Variants in KDM3B observed in about 807,000 individuals in gnomAD.
KDM3B encodes lysine-specific demethylase 3B.
KDM3B carries 10 observed loss-of-function variants against 170.0 expected under a neutral mutation model. That is an observed-to-expected ratio of 0.06 (90% confidence interval 0.04 to 0.10). The LOEUF (loss-of-function observed/expected upper bound fraction) is 0.10, where lower values mean the gene tolerates loss of function less well. Ranked by LOEUF, KDM3B falls within the 10% of genes least tolerant of loss-of-function variation. KDM3B has a pLI of 1.00. For missense variants in KDM3B, 1,394 were observed against 2,195.2 expected (o/e 0.64, Z 7.29); for synonymous variants, 831 against 834.8 (o/e 1.00, Z 0.08).
intron 6 of KDM3B, among the ~76,000 whole-genome samples, chr5:138,382,407 G>A (rs954083077): frequency 5.3e-5 from 8 of 151,996 alleles, no homozygotes. Flanking sequence ...AGCTGAGATC[G>A]CACCATTGCA....
intron 9 of KDM3B, 130 bp downstream of exon 9, chr5:138,393,502 G>T: frequency 1.4e-6 from 1 of 729,822 alleles, no homozygotes; most frequent in South Asian, 1.8e-5. Flanking sequence ...TGCTCTCAGC[G>T]TCTGTGAAGA....
intron 1 of KDM3B, among the ~76,000 whole-genome samples, chr5:138,365,034 A>G (rs1175126171): frequency 6.6e-6 from 1 of 152,232 alleles, no homozygotes; most frequent in African/African-American, 2.4e-5. Context: ...AGAGATATTC[A>G]ACTCATGCAT....
intron 9 of KDM3B, among the ~76,000 whole-genome samples, chr5:138,396,295 C>T (rs1054041169): frequency 6.6e-6 from 1 of 152,044 alleles, no homozygotes; most frequent in Non-Finnish European, 1.5e-5. Context: ...CAGGGTTTCA[C>T]CGTGTTAGCC....
intron 12 of KDM3B, 35 bp downstream of exon 12, chr5:138,415,274 A>G: frequency 1.4e-6 from 2 of 1,461,724 alleles, no homozygotes; most frequent in Non-Finnish European, 1.9e-6. Context: ...TGGTGGAAGA[A>G]ATGTTTTTAG....
At chr5:138,366,000 A>G (rs941875735) in intron 1 of KDM3B, among the ~76,000 whole-genome samples, 11 of 152,058 alleles carry the variant, frequency 7.2e-5, no homozygotes, top group Non-Finnish European at 1.5e-4. Context: ...TGTCTCAAAT[A>G]AATAAATAAA....
chr5:138,372,777 C>T lies in KDM3B; in HGVS notation c.296C>T (p.Ala99Val), dbSNP rs771099266. Residue 99 changes from alanine (A) to valine (V), a missense_variant, in exon 2 of 24, where the codon GCG (alanine) becomes GTG (valine). By Grantham distance (64) the Ala-to-Val change is moderately conservative. This residue lies in a region of KDM3B where 16 missense variants were observed against 48.6 expected (regional missense o/e 0.33). Coordinates refer to ENST00000314358, the MANE Select transcript of KDM3B (RefSeq NM_016604.4). ...CTGCTGGAAGGGTCTCTTGTATGGG[C>T]GCCCCGTGAGGACCCAGTCCTTCTC... is the stretch of plus-strand genomic sequence containing the variant. ...VLLLEGSLVW[A>V]PREDPVLLQG... The T allele has an allele frequency of 8.7e-6, 14 of 1,614,060 alleles. No homozygotes were observed. The highest frequency in any genetic ancestry group is 1.2e-5 in the Non-Finnish European group (14 of 1,179,984).
rs1322181398 is a variant in KDM3B at position 138,428,720 on chromosome 5, G to A, written c.4753+634G>A. The stretch of plus-strand genomic sequence containing the variant: ...CAAAGAGAAATGAAGAAAGGGCAGA[G>A]TTCTGACCTGACCTATCAGCCAGAT... On this transcript the variant is annotated intron_variant, in intron 20 of 23. Transcript: ENST00000314358. 2.6e-5 allele frequency among the ~76,000 whole-genome samples: 4 copies of A among 152,134 alleles called. No homozygotes were observed. The East Asian group carries it at 7.7e-4, about 29-fold the overall frequency.
chr5:138,411,443 T>C (rs1319088370), intron 11 of KDM3B, among the ~76,000 whole-genome samples: 1 of 152,230 alleles, frequency 6.6e-6, no homozygotes, highest in Non-Finnish European at 1.5e-5. Flanking sequence ...TCTTGTTTTA[T>C]ATTTATTATA....
intron 11 of KDM3B, among the ~76,000 whole-genome samples, chr5:138,405,807 A>G (rs1028156542): frequency 6.6e-6 from 1 of 152,238 alleles, no homozygotes; most frequent in South Asian, 2.1e-4. Context: ...ATTCAAATAT[A>G]TAATAGCAGC....
At chr5:138,432,120 A>G (rs1331197980) in intron 23 of KDM3B, among the ~76,000 whole-genome samples, 1 of 152,148 alleles carries the variant, frequency 6.6e-6, no homozygotes, top group Non-Finnish European at 1.5e-5. Flanking sequence ...ATAGTATTAC[A>G]AGTGTTAGTA....
intron 12 of KDM3B, 55 bp from the exon 13 acceptor site, chr5:138,417,428 A>T (rs905052464): frequency 1.3e-6 from 2 of 1,550,860 alleles, no homozygotes; most frequent in Non-Finnish European, 1.8e-6. Flanking sequence ...TTAGCACAAT[A>T]TGTGGCATAT....
chr5:138,374,414 A>G (rs562113131), intron 2 of KDM3B: 51 of 275,990 alleles, frequency 1.8e-4, no homozygotes, highest in African/African-American at 5.3e-4. Flanking sequence ...GCCCACCACC[A>G]CTCCCGGCTT....
chr5:138,425,325 C>A, intron 16 of KDM3B, 86 bp from the exon 17 acceptor site: 1 of 1,287,482 alleles, frequency 7.8e-7, no homozygotes, highest in Non-Finnish European at 1.1e-6. Context: ...GGAGGCCCTC[C>A]TCAGGAAACC....
chr5:138,398,437 AC>A (rs1561778139), intron 10 of KDM3B, 45 bp downstream of exon 10: 1 of 1,556,150 alleles, frequency 6.4e-7, no homozygotes, highest in Non-Finnish European at 8.8e-7. Flanking sequence ...CTAGTGAAAA[AC>A]TTTTATTTTC....
chr5:138,353,076 A>C, intron 1 of KDM3B, 89 bp downstream of exon 1: 6 of 273,500 alleles, frequency 2.2e-5, no homozygotes, highest in Non-Finnish European at 2.8e-5. Context: ...GGGCGGTGGG[A>C]TGGGGGTGAC....
intron 12 of KDM3B, among the ~76,000 whole-genome samples, 161 bp downstream of exon 12, chr5:138,415,400 A>G (rs1394594030): frequency 6.6e-6 from 1 of 151,848 alleles, no homozygotes; most frequent in East Asian, 1.9e-4. Context: ...CATTATTATT[A>G]TTGTTATTGA....
chr5:138,429,055 T>C (rs532161664), intron 20 of KDM3B, among the ~76,000 whole-genome samples: 67 of 150,258 alleles, frequency 4.5e-4, no homozygotes, highest in African/African-American at 1.6e-3. Flanking sequence ...TTACTGGGCC[T>C]ACAGGCAAGG....
In KDM3B at chr5:138,372,763, G is replaced by A; in HGVS notation, c.282G>A (p.Gly94=). Reference sequence around the variant, plus strand: ...AAGTTATCGTGCTTCTGCTGGAAGGGTCTCTTGTATGGGCGCCCCGTGAGG... The same window carrying A: ...AAGTTATCGTGCTTCTGCTGGAAGGATCTCTTGTATGGGCGCCCCGTGAGG... ...AEEVIVLLLE[G]SLVWAPREDP... is the part of the protein sequence containing the mutation. The change falls in exon 2 of 24, where the codon GGG becomes GGA. Residue 94 remains glycine, a synonymous_variant. Transcript: ENST00000314358. 1 of 1,614,132 alleles carries A rather than the reference G, an allele frequency of 6.2e-7. No individual in the cohort carries two copies. Among genetic ancestry groups the A allele is most frequent in the Non-Finnish European group, 8.5e-7 (1 of 1,180,030 alleles).
chr5:138,417,627 G>A lies in KDM3B; in HGVS notation c.3435+17G>A, dbSNP rs745589112. ...ATGTCACAGGTAAACTGGTGTGTGT[G>A]GGTATAACTAAGTGAAGCCTAAATT... is the stretch of plus-strand genomic sequence containing the variant. On this transcript the variant is annotated intron_variant, in intron 13 of 23. Transcript: ENST00000314358. 1 of 1,608,054 alleles carries A rather than the reference G, an allele frequency of 6.2e-7. No individual in the cohort carries two copies. The highest frequency in any genetic ancestry group is 8.5e-7 in the Non-Finnish European group (1 of 1,175,558).
Sources: gnomAD v4.1 joint callset for allele counts (sites outside exome capture counted in the v4.1 genomes callset) on GRCh38, gnomAD v4.1.1 for gene constraint, gnomAD v4.1.1 regional missense constraint, MANE v1.5 for transcripts, NCBI Gene and HGNC (gene_info 2026-07-23, HGNC 2026-07-21) for gene names.